RBFOX1: variants seen among roughly 807,000 people sequenced by gnomAD.
RBFOX1 encodes the protein RNA binding fox-1 homolog 1.
A neutral mutation model predicts 57.7 loss-of-function variants in RBFOX1; 8 were observed. That is an observed-to-expected ratio of 0.14 (90% CI 0.08 to 0.25). The LOEUF (loss-of-function observed/expected upper bound fraction) is 0.25. Among genes scored for constraint, RBFOX1 ranks in the 10% least tolerant of loss-of-function variants. The pLI, the probability that RBFOX1 is intolerant of heterozygous loss-of-function variation, is 1.00. For missense variants in RBFOX1, 611 were observed against 548.5 expected (o/e 1.11, Z -1.14); for synonymous variants, 326 against 222.4 (o/e 1.47, Z -4.15).
intron 2 of RBFOX1, among the ~76,000 whole-genome samples, chr16:6,348,549 A>C (rs1021335039): frequency 1.4e-4 from 21 of 152,134 alleles, no homozygotes; most frequent in Non-Finnish European, 2.8e-4. Context: ...ATGAGCATTA[A>C]TTGGATCATG....
intron 4 of RBFOX1, among the ~76,000 whole-genome samples, chr16:7,250,932 C>G (rs528789712): frequency 1.3e-5 from 2 of 152,082 alleles, no homozygotes; most frequent in Admixed American, 6.5e-5. Flanking sequence ...TACAACATGA[C>G]GTTTTGAAAT....
intron 2 of RBFOX1, among the ~76,000 whole-genome samples, chr16:6,377,537 G>A (rs1323870612): frequency 2.0e-5 from 3 of 152,092 alleles, no homozygotes; most frequent in African/African-American, 7.2e-5. Flanking sequence ...AACTGAGTCT[G>A]CCTGCCTGCG....
intron 2 of RBFOX1, among the ~76,000 whole-genome samples, chr16:6,617,887 G>C (rs913432658): frequency 2.6e-5 from 4 of 152,178 alleles, no homozygotes; most frequent in Admixed American, 2.0e-4. Context: ...TGGAGGTCTA[G>C]AAGTGTCTGG....
chr16:5,688,175 T>A (rs948520428), intron 3 of RBFOX1, among the ~76,000 whole-genome samples: 2 of 152,198 alleles, frequency 1.3e-5, no homozygotes, highest in African/African-American at 4.8e-5. Flanking sequence ...AAAAGGAGCT[T>A]GGAAGGCTAA....
rs1188606272 is a variant in RBFOX1 at position 5,454,959 on chromosome 16, CT to C, written c.220-12254del. On this transcript the variant is annotated intron_variant, in intron 1 of 2. Transcript: ENST00000585867. The stretch of plus-strand genomic sequence containing the variant: ...CCTTCCTTCCTTCCTTCCTTCCTTC[CT>C]TTCTTTCTTTCTTTCTTTCTTTCTT... 7.7e-3 allele frequency among the ~76,000 whole-genome samples: 264 copies of C among 34,156 alleles called. 2 individuals are homozygous for C. The highest frequency in any genetic ancestry group is 0.023 in the South Asian group (21 of 920). 22.4% of individuals were successfully genotyped at this position (34,156 alleles called of 152,430 possible).
chr16:5,657,053 A>G (rs777211798), intron 3 of RBFOX1, among the ~76,000 whole-genome samples: 2 of 152,212 alleles, frequency 1.3e-5, no homozygotes, highest in Non-Finnish European at 2.9e-5. Flanking sequence ...TACCTGTGTA[A>G]CAGACCTACA....
chr16:5,543,463 T>C (rs2045052201), intron 2 of RBFOX1, among the ~76,000 whole-genome samples: 2 of 152,116 alleles, frequency 1.3e-5, no homozygotes, highest in South Asian at 4.2e-4. Context: ...CATGATGACA[T>C]AGCAACAGAA....
chr16:7,443,069 C>G (rs1039606422), intron 4 of RBFOX1, among the ~76,000 whole-genome samples: 2 of 152,166 alleles, frequency 1.3e-5, no homozygotes, highest in Non-Finnish European at 2.9e-5. Context: ...AACCACAAAC[C>G]TTACCCTTCA....
At chr16:6,727,784 T>A (rs9302829) in intron 3 of RBFOX1, among the ~76,000 whole-genome samples, 138,848 of 152,180 alleles carry the variant, frequency 0.91, 64,732 homozygotes, top group East Asian at 1. Flanking sequence ...ATTTGTTTTG[T>A]CAGGCATTTG....
At chr16:5,341,567 A>G (rs1269872056) in intron 1 of RBFOX1, among the ~76,000 whole-genome samples, 1 of 152,236 alleles carries the variant, frequency 6.6e-6, no homozygotes, top group African/African-American at 2.4e-5. Flanking sequence ...GCCATGGCCC[A>G]GCTTCATGGA....
chr16:7,278,821 C>T (rs2141072728), intron 4 of RBFOX1, among the ~76,000 whole-genome samples: 1 of 152,262 alleles, frequency 6.6e-6, no homozygotes, highest in South Asian at 2.1e-4. Flanking sequence ...ATTAAAGCTG[C>T]CAATGAATTA....
intron 2 of RBFOX1, among the ~76,000 whole-genome samples, chr16:5,502,462 G>A (rs1387269589): frequency 6.6e-6 from 1 of 152,092 alleles, no homozygotes; most frequent in Non-Finnish European, 1.5e-5. Context: ...CTCAGGCTCC[G>A]GCCCCTAGTG....
chr16:7,560,509 T>C (rs771079320), intron 5 of RBFOX1, among the ~76,000 whole-genome samples: 3 of 150,528 alleles, frequency 2.0e-5, no homozygotes, highest in Non-Finnish European at 4.4e-5. Context: ...TGGGAACATA[T>C]CTTGCATTTT....
chr16:6,992,404 G>T (rs920318741), intron 3 of RBFOX1, among the ~76,000 whole-genome samples: 1 of 152,078 alleles, frequency 6.6e-6, no homozygotes, highest in Non-Finnish European at 1.5e-5. Flanking sequence ...TTTTAGTAGA[G>T]ACGGGGTTTC....
chr16:6,653,965 T>TTGGATGGA lies in RBFOX1; in HGVS notation c.-63-634_-63-633insTGGATGGA, dbSNP rs759444219. ...TAGAGGGTGGATGAAGGATGGATGG[T>TTGGATGGA]TGGACGGATGGATGGATGGATGGAT... On this transcript the variant is annotated intron_variant, in intron 2 of 15. Transcript: ENST00000550418. 2.5e-3 allele frequency among the ~76,000 whole-genome samples: 309 copies of TTGGATGGA among 125,756 alleles called. 2 individuals carry two copies. Among genetic ancestry groups the TTGGATGGA allele is most frequent in the African/African-American group, 9.9e-3 (298 of 30,170 alleles). The allele number at this position is 125,756 out of a possible 152,430, so 82.5% of individuals were successfully genotyped here.
At position 7,139,700 on chromosome 16, in the gene RBFOX1, T is replaced by A. The variant is rs1567418817; in HGVS notation, c.27+87602T>A. Among the ~76,000 whole-genome samples, 3 of 152,076 alleles carry A rather than the reference T, an allele frequency of 2.0e-5. No homozygotes were observed. In the South Asian group the frequency reaches 6.2e-4, roughly 31 times the overall value. On this transcript the variant is annotated intron_variant, in intron 4 of 15. Coordinates refer to ENST00000550418, the MANE Select transcript of RBFOX1 (RefSeq NM_018723.4). ...GGAGAATGTTTCAAGAATGTTGGGT[T>A]GGTGAATAAAACCAAAGGCCATGAA... is the stretch of plus-strand genomic sequence containing the variant.
intron 1 of RBFOX1, among the ~76,000 whole-genome samples, chr16:5,342,943 T>C (rs1230013374): frequency 6.6e-6 from 1 of 152,182 alleles, no homozygotes; most frequent in African/African-American, 2.4e-5. Flanking sequence ...TAATTAGACC[T>C]AAGCCATCTG....
At chr16:6,256,231 A>ATGTGTATATATATATGTATATATATATG (rs2097664401) in intron 1 of RBFOX1, among the ~76,000 whole-genome samples, 1 of 51,876 alleles carries the variant, frequency 1.9e-5, no homozygotes. Context: ...GTATATATAT[A>ATGTGTATATATATATGTATATATATATG]TGTGTATATA....
intron 2 of RBFOX1, among the ~76,000 whole-genome samples, chr16:6,515,400 T>A (rs540611815): frequency 6.6e-6 from 1 of 152,198 alleles, no homozygotes; most frequent in Non-Finnish European, 1.5e-5. Flanking sequence ...ACCAAACATA[T>A]GAGCCTGAGA....
Sources: gnomAD v4.1 joint callset for allele counts (sites outside exome capture counted in the v4.1 genomes callset) on GRCh38, gnomAD v4.1.1 for gene constraint, MANE v1.5 for transcripts, NCBI Gene and HGNC (gene_info 2026-07-23, HGNC 2026-07-21) for gene names.